Variants in RIT1 observed in about 807,000 individuals in gnomAD.
RIT1 encodes Ras like without CAAX 1.
A neutral mutation model predicts 25.6 loss-of-function variants in RIT1; 6 were observed. That is an observed-to-expected ratio of 0.23 (90% CI 0.13 to 0.46). The LOEUF is 0.46. Ranked by LOEUF, RIT1 falls within the 20% of genes least tolerant of loss-of-function variation. RIT1 has a pLI of 0.99. For missense variants in RIT1, 219 were observed against 284.4 expected, an observed-to-expected ratio of 0.77 and a Z score of 1.65; for synonymous variants, 81 against 94.1, an observed-to-expected ratio of 0.86 and a Z score of 0.80.
Position 155,908,178 on chromosome 1 carries a change from G to A in RIT1, c.163+2272C>T, listed in dbSNP as rs533077003. Among the ~76,000 whole-genome samples the A allele has an allele frequency of 7.9e-5, 12 of 151,134 alleles. No homozygotes were observed. The East Asian group carries it at 9.9e-4, about 13-fold the overall frequency. ...TTTAAAGAAAGGGAAAGACGCGGCC[G>A]GGCACGGTGGCTCACGCCTGTAATC... On this transcript the variant is annotated intron_variant, in intron 3 of 5. Coordinates refer to ENST00000368323, the MANE Select transcript of RIT1 (RefSeq NM_006912.6).
chr1:155,901,538 T>C (rs1673312283), intron 5 of RIT1, among the ~76,000 whole-genome samples: 1 of 152,058 alleles, frequency 6.6e-6, no homozygotes, highest in African/African-American at 2.4e-5. Context: ...CTCGTGAGGC[T>C]GAGGCAGGAG....
At chr1:155,906,021 G>C (rs1262090289) in intron 3 of RIT1, among the ~76,000 whole-genome samples, 1 of 151,916 alleles carries the variant, frequency 6.6e-6, no homozygotes, top group Non-Finnish European at 1.5e-5. Flanking sequence ...TATAGACAGG[G>C]TTTCACCATG....
At position 155,899,666 on chromosome 1, in the gene RIT1, A is replaced by T. The variant is rs1344403177; in HGVS notation, c.*722T>A. ...AGGTAAAAAAAAAAAGAAAACCCTG[A>T]AATGAAGAGTAAAATAAGGTTCCCA... On this transcript the variant is annotated 3_prime_UTR_variant, in exon 6 of 6. Transcript: ENST00000368323. The T allele has an allele frequency of 1.3e-5, 3 of 226,062 alleles. No individual in the cohort carries two copies. Among genetic ancestry groups the T allele is most frequent in the African/African-American group, 6.7e-5 (3 of 44,964 alleles). The allele number at this position is 226,062 out of a possible 1,614,324, so 14.0% of individuals were successfully genotyped here. A position where few individuals can be genotyped will look rare whatever the true frequency, so the allele number is the denominator to read the frequency against.
rs181766596 is a variant in RIT1, at chr1:155,899,741, G to A, written c.*647C>T. On this transcript the variant is annotated 3_prime_UTR_variant, in exon 6 of 6. Coordinates refer to ENST00000368323, the MANE Select transcript of RIT1 (RefSeq NM_006912.6). ...GCTTCTGGCTGTTCTCACTTATCCC[G>A]GTGAATTTGGGCCAAATGTGTACTT... 2.8e-3 allele frequency: 632 copies of A among 222,636 alleles called. 5 individuals carry two copies. Among genetic ancestry groups the A allele is most frequent in the Admixed American group, 7.3e-3 (126 of 17,368 alleles). 13.8% of individuals were successfully genotyped at this position (222,636 alleles called of 1,614,324 possible).
At position 155,910,556 on chromosome 1, in the gene RIT1, G is replaced by A. The variant is rs752589507; in HGVS notation, c.107-50C>T. On this transcript the variant is annotated intron_variant, in intron 2 of 5. Transcript: ENST00000368323. Reference sequence around the variant, plus strand: ...AATCCTCACAAAGGTGACCCACAGAGAGAATTTTAAGTATTAACATTGCAA... The same window carrying A: ...AATCCTCACAAAGGTGACCCACAGAAAGAATTTTAAGTATTAACATTGCAA... 6 of 1,610,740 alleles carry A rather than the reference G, an allele frequency of 3.7e-6. No homozygotes were observed. In the South Asian group the frequency reaches 4.4e-5, roughly 12 times the overall value.
At chr1:155,901,934 G>A (rs886370936) in intron 5 of RIT1, among the ~76,000 whole-genome samples, 2 of 152,122 alleles carry the variant, frequency 1.3e-5, no homozygotes, top group East Asian at 3.9e-4. Flanking sequence ...TGGCCAACAC[G>A]GTGAAACCCC....
At chr1:155,910,392 A>C in intron 3 of RIT1, 58 bp downstream of exon 3, 1 of 1,371,408 alleles carries the variant, frequency 7.3e-7, no homozygotes, top group Non-Finnish European at 1.0e-6. Context: ...AACTACTGAT[A>C]TTCATTAAGA....
At chr1:155,902,620 T>A (rs1020788511) in intron 5 of RIT1, among the ~76,000 whole-genome samples, 3 of 151,472 alleles carry the variant, frequency 2.0e-5, no homozygotes, top group Non-Finnish European at 2.9e-5. Flanking sequence ...GGTAGGTGGA[T>A]CACCTGATGT....
intron 5 of RIT1, among the ~76,000 whole-genome samples, chr1:155,903,101 T>C (rs1001147156): frequency 6.6e-6 from 1 of 151,630 alleles, no homozygotes; most frequent in African/African-American, 2.4e-5. Context: ...ATCGAGACCA[T>C]CCTGGCTAAC....
At chr1:155,903,431 C>T (rs1344717864) in intron 5 of RIT1, among the ~76,000 whole-genome samples, 2 of 107,072 alleles carry the variant, frequency 1.9e-5, no homozygotes, top group East Asian at 3.3e-4. Context: ...CCAGCCAAGG[C>T]AACAGAGTGA....
rs672601335 is a variant in RIT1 at position 155,904,456 on chromosome 1, C to G, written c.284G>C (p.Gly95Ala). ...MRDQYMRAGEGFIICYSITDR... is the reference protein window; with the variant it reads ...MRDQYMRAGEAFIICYSITDR... ...CGTGATAGAGTAACAGATGATAAAC[C>G]CTTCTCCTGCCCTCATATACTGGTC... The change falls in exon 5 of 6, where the codon GGG becomes GCG. Residue 95 changes from glycine (G) to alanine (A), a missense_variant. Coordinates refer to ENST00000368323, the MANE Select transcript of RIT1 (RefSeq NM_006912.6). 6.2e-7 allele frequency: 1 copy of G among 1,614,074 alleles called. No homozygotes were observed.
In RIT1 at chr1:155,898,432, T is replaced by C. The variant is rs772896569; in HGVS notation, c.*1956A>G. 7.0e-6 allele frequency: 1 copy of C among 143,660 alleles called. No homozygotes were observed. The highest frequency in any genetic ancestry group is 2.6e-5 in the African/African-American group (1 of 38,872). The allele number at this position is 143,660 out of a possible 1,614,324, so 8.9% of individuals were successfully genotyped here. ...CTGTAATCCCAGCATATTGGGAGGA[T>C]TGCTTGAGCCTAGGAGTTCGAGATC... On this transcript the variant is annotated 3_prime_UTR_variant, in exon 6 of 6. Coordinates refer to ENST00000368323, the MANE Select transcript of RIT1 (RefSeq NM_006912.6).
At position 155,898,490 on chromosome 1, in the gene RIT1, T is replaced by C. The variant is rs1208480388; in HGVS notation, c.*1898A>G. On this transcript the variant is annotated 3_prime_UTR_variant, in exon 6 of 6. Transcript: ENST00000368323. ...GCAACATAGTGAAACCTCATCTCTATTTAAAAAAAAAAAAAAAAAAAAAAA... is the reference window on the plus strand; with the variant it reads ...GCAACATAGTGAAACCTCATCTCTACTTAAAAAAAAAAAAAAAAAAAAAAA... 1 of 80,708 alleles carries C rather than the reference T, an allele frequency of 1.2e-5. No individual in the cohort carries two copies. The highest frequency in any genetic ancestry group is 1.7e-4 in the Admixed American group (1 of 5,920). 5.0% of individuals were successfully genotyped at this position (80,708 alleles called of 1,614,324 possible). A position where few individuals can be genotyped will look rare whatever the true frequency, so the allele number is the denominator to read the frequency against.
intron 3 of RIT1, 110 bp downstream of exon 3, chr1:155,910,340 T>C: frequency 1.1e-6 from 1 of 903,730 alleles, no homozygotes; most frequent in South Asian, 1.6e-5. Flanking sequence ...TAAATAAATC[T>C]GAATTAGACT....
intron 5 of RIT1, among the ~76,000 whole-genome samples, chr1:155,900,954 T>C (rs1260005304): frequency 1.3e-5 from 2 of 152,136 alleles, no homozygotes. Context: ...TAGCTGAGAT[T>C]ACAGGCATGC....
intron 3 of RIT1, among the ~76,000 whole-genome samples, chr1:155,909,619 G>A (rs573145854): frequency 1.8e-4 from 27 of 152,072 alleles, no homozygotes; most frequent in African/African-American, 6.3e-4. Context: ...CAAGAGTTAA[G>A]GACCATAAAA....
At chr1:155,903,452 C>CAAAAAAAAAAAAAAAA (rs1192641376) in intron 5 of RIT1, among the ~76,000 whole-genome samples, 13 of 53,676 alleles carry the variant, frequency 2.4e-4, no homozygotes, top group East Asian at 4.9e-4. Flanking sequence ...GACTCTGTCT[C>CAAAAAAAAAAAAAAAA]AAAAAAAAAA....
At chr1:155,909,694 GAT>G (rs1673541707) in intron 3 of RIT1, among the ~76,000 whole-genome samples, 1 of 152,068 alleles carries the variant, frequency 6.6e-6, no homozygotes, top group Non-Finnish European at 1.5e-5. Flanking sequence ...GGCTGAGGTG[GAT>G]GGATTACTTG....
intron 5 of RIT1, among the ~76,000 whole-genome samples, chr1:155,903,700 G>A (rs1016343890): frequency 1.3e-5 from 2 of 152,056 alleles, no homozygotes; most frequent in Non-Finnish European, 2.9e-5. Flanking sequence ...GAAGCATTAT[G>A]AATTTGACTA....
Sources: gnomAD v4.1 joint callset for allele counts (sites outside exome capture counted in the v4.1 genomes callset) on GRCh38, gnomAD v4.1.1 for gene constraint, MANE v1.5 for transcripts, NCBI Gene and HGNC (gene_info 2026-07-23, HGNC 2026-07-21) for gene names.